The following DIP2C variants were observed in gnomAD, a reference collection of about 807,000 sequenced individuals.
DIP2C encodes disco-interacting protein 2 homolog C.
A neutral mutation model predicts 192.4 loss-of-function variants in DIP2C; 33 were observed. That is an observed-to-expected ratio of 0.17 (90% confidence interval 0.13 to 0.23). The LOEUF is 0.23. DIP2C is among the 10% of genes least tolerant of loss of function. The probability of loss-of-function intolerance (pLI) is 1.00; values close to 1 mark genes in which losing one functional copy is unlikely to be tolerated. For synonymous variants in DIP2C, 979 were observed against 864.1 expected, an observed-to-expected ratio of 1.13 and a Z score of -2.33; for missense variants, 1,537 against 2,110.1, an observed-to-expected ratio of 0.73 and a Z score of 5.32.
chr10:329,621 TGTCAGGGCGGGAGCTC>T lies in DIP2C; in HGVS notation c.3585-36_3585-21del. On this transcript the variant is annotated intron_variant, in intron 29 of 36. Coordinates refer to ENST00000280886, the MANE Select transcript of DIP2C (RefSeq NM_014974.3). ...TACACACTGCAGAGAAAGAAGAGGC[TGTCAGGGCGGGAGCTC>T]AGCAAGGCTGGAGCTCAGCAAGGCT... 1 of 1,611,454 alleles carries T rather than the reference TGTCAGGGCGGGAGCTC, an allele frequency of 6.2e-7. No individual in the cohort carries two copies. Among genetic ancestry groups the T allele is most frequent in the South Asian group, 1.1e-5 (1 of 90,622 alleles).
intron 4 of DIP2C, chr10:430,164 C>G (rs190969652): frequency 1.3e-5 from 2 of 152,178 alleles, no homozygotes; most frequent in African/African-American, 4.8e-5. Flanking sequence ...TTTCATATGT[C>G]GATTTGCCAT....
intron 1 of DIP2C, among the ~76,000 whole-genome samples, chr10:535,807 C>T (rs974477040): frequency 1.3e-5 from 2 of 152,190 alleles, no homozygotes; most frequent in African/African-American, 4.8e-5. Flanking sequence ...GTGTTAACTC[C>T]AGGAAATACG....
chr10:503,536 G>A (rs1052835803), intron 1 of DIP2C, among the ~76,000 whole-genome samples: 31 of 152,198 alleles, frequency 2.0e-4, no homozygotes, highest in Admixed American at 1.3e-4. Flanking sequence ...GAAAACCATG[G>A]AAGTGTTCCT....
intron 32 of DIP2C, among the ~76,000 whole-genome samples, chr10:306,544 C>A (rs1956332251): frequency 2.6e-5 from 4 of 152,208 alleles, no homozygotes; most frequent in African/African-American, 9.7e-5. Context: ...GCAACAGGAA[C>A]AGTAATTAAT....
chr10:498,585 T>C lies in DIP2C; in HGVS notation c.86-12055A>G, dbSNP rs151041745. 1.1e-4 allele frequency among the ~76,000 whole-genome samples: 17 copies of C among 152,312 alleles called. No homozygotes were observed. The East Asian group carries it at 3.1e-3, about 28-fold the overall frequency. Reference sequence around the variant, plus strand: ...GGGGCTCGTCAGAGATGCACCTCTGTCAAGGGATGACTGACTTCCATTTCA... The same window carrying C: ...GGGGCTCGTCAGAGATGCACCTCTGCCAAGGGATGACTGACTTCCATTTCA... On this transcript the variant is annotated intron_variant, in intron 1 of 36. Transcript: ENST00000280886.
At position 363,754 on chromosome 10, in the gene DIP2C, GCA is replaced by G. The variant is rs1406996287; in HGVS notation, c.2478-445_2478-444del. Among the ~76,000 whole-genome samples the G allele has an allele frequency of 6.6e-6, 1 of 152,128 alleles. No individual in the cohort carries two copies. The highest frequency in any genetic ancestry group is 1.5e-5 in the Non-Finnish European group (1 of 68,008). ...GTATGTGCCTTATACTGTCAGCACAGCACAGTCACCTCCAGTAAAAGAGATTG... is the reference window on the plus strand; with the variant it reads ...GTATGTGCCTTATACTGTCAGCACAGCAGTCACCTCCAGTAAAAGAGATTG... On this transcript the variant is annotated intron_variant, in intron 20 of 36. Transcript: ENST00000280886. This position sits in a 1 kb window ranked among gnomAD's most constrained non-coding sequence, Gnocchi z 5.4.
At chr10:618,448 T>G (rs192130486) in intron 1 of DIP2C, among the ~76,000 whole-genome samples, 1 of 152,304 alleles carries the variant, frequency 6.6e-6, no homozygotes, top group East Asian at 1.9e-4. Flanking sequence ...CTGCCCACAT[T>G]TCTCAAATGC....
In DIP2C at chr10:451,323, C is replaced by T. The variant is rs779074721; in HGVS notation, c.269-10327G>A. Among the ~76,000 whole-genome samples the T allele has an allele frequency of 4.6e-5, 7 of 152,192 alleles. No homozygotes were observed. The South Asian group carries it at 8.3e-4, about 18-fold the overall frequency. Reference sequence around the variant, plus strand: ...ACACTTTGTCTACTTGGAAAGAGGACGTGGGACTGGGATTTACTCGGCCAC... The same window carrying T: ...ACACTTTGTCTACTTGGAAAGAGGATGTGGGACTGGGATTTACTCGGCCAC... On this transcript the variant is annotated intron_variant, in intron 3 of 36. Transcript: ENST00000280886.
chr10:676,260 C>A (rs1198521004), intron 1 of DIP2C, among the ~76,000 whole-genome samples: 1 of 152,138 alleles, frequency 6.6e-6, no homozygotes, highest in Non-Finnish European at 1.5e-5. Context: ...AGGAAACATA[C>A]CTCAACACAA....
chr10:580,655 T>C (rs879561318), intron 1 of DIP2C, among the ~76,000 whole-genome samples: 2 of 152,226 alleles, frequency 1.3e-5, no homozygotes, highest in African/African-American at 2.4e-5. Flanking sequence ...AGTACACATT[T>C]GTATAGTACA....
chr10:380,043 G>C (rs1202534068), intron 17 of DIP2C, among the ~76,000 whole-genome samples: 4 of 151,980 alleles, frequency 2.6e-5, no homozygotes, highest in African/African-American at 9.7e-5. Flanking sequence ...GGCTGTCCCT[G>C]GAAGATGGTT....
chr10:498,308 C>T (rs574946447), intron 1 of DIP2C, among the ~76,000 whole-genome samples: 10 of 152,328 alleles, frequency 6.6e-5, no homozygotes, highest in South Asian at 4.1e-4. Flanking sequence ...GACAGGGACA[C>T]GCTGTACACC....
chr10:487,436 T>TC (rs1037424249), intron 1 of DIP2C, among the ~76,000 whole-genome samples: 3 of 152,056 alleles, frequency 2.0e-5, no homozygotes, highest in African/African-American at 7.2e-5. Context: ...TGCCTCTGCC[T>TC]CCACGGCTGC....
intron 1 of DIP2C, among the ~76,000 whole-genome samples, chr10:528,432 C>T (rs537864607): frequency 5.1e-5 from 7 of 137,172 alleles, no homozygotes; most frequent in African/African-American, 1.8e-4. Flanking sequence ...GCAGACCGCC[C>T]GCTGCTCCCC....
intron 1 of DIP2C, among the ~76,000 whole-genome samples, chr10:540,028 T>C (rs1424431734): frequency 6.6e-6 from 1 of 152,226 alleles, no homozygotes; most frequent in Non-Finnish European, 1.5e-5. Context: ...ACATGGTTTC[T>C]AGAAACTTGT....
At chr10:325,936 C>T (rs1957253966) in intron 31 of DIP2C, among the ~76,000 whole-genome samples, 1 of 152,088 alleles carries the variant, frequency 6.6e-6, no homozygotes, top group South Asian at 2.1e-4. Context: ...AATCCCAGCA[C>T]TTTGGGAGGC....
chr10:535,955 C>T (rs965684150), intron 1 of DIP2C, among the ~76,000 whole-genome samples: 2 of 152,210 alleles, frequency 1.3e-5, no homozygotes, highest in African/African-American at 2.4e-5. Context: ...CGTAAGCTTC[C>T]ATCCTGAGGC....
rs114320465 is a variant in DIP2C at position 349,536 on chromosome 10, C to T, written c.2986-82G>A. ...GAGAGCGCGCACGCGTCATACAACTCACTGGCGCAAAGCATACATCACTGG... is the reference window on the plus strand; with the variant it reads ...GAGAGCGCGCACGCGTCATACAACTTACTGGCGCAAAGCATACATCACTGG... On this transcript the variant is annotated intron_variant, in intron 24 of 36. Transcript: ENST00000280886. 973 of 1,516,786 alleles carry T rather than the reference C, an allele frequency of 6.4e-4. 10 individuals carry two copies. The African/African-American group carries it at 0.01, about 16-fold the overall frequency. 94.0% of individuals were successfully genotyped at this position (1,516,786 alleles called of 1,614,324 possible).
intron 17 of DIP2C, chr10:370,186 C>A: frequency 2.1e-6 from 1 of 473,168 alleles, no homozygotes; most frequent in Non-Finnish European, 2.8e-6. Flanking sequence ...TTGTGGCTGC[C>A]AAGTTCTAAG....
Sources: gnomAD v4.1 joint callset for allele counts (sites outside exome capture counted in the v4.1 genomes callset) on GRCh38, gnomAD v4.1.1 for gene constraint, Gnocchi (gnomAD v3.1) non-coding constraint, MANE v1.5 for transcripts, NCBI Gene and HGNC (gene_info 2026-07-23, HGNC 2026-07-21) for gene names.